Variants in SH3RF2 observed in about 807,000 individuals in gnomAD.
SH3RF2 encodes the protein SH3 domain containing ring finger 2.
Under a neutral mutation model 59.0 loss-of-function variants are expected in SH3RF2, and 43 were observed. The observed-to-expected ratio is 0.73, with a 90% CI of 0.57 to 0.94. The LOEUF (loss-of-function observed/expected upper bound fraction) is 0.94, where lower values mean the gene tolerates loss of function less well. SH3RF2 is among the 40% of genes least tolerant of loss of function. The pLI, the probability that SH3RF2 is intolerant of heterozygous loss-of-function variation, is 0.00. For synonymous variants in SH3RF2, 391 were observed against 391.5 expected (o/e 1.00, Z 0.01); for missense variants, 930 against 940.1 (o/e 0.99, Z 0.14).
chr5:145,989,597 G>A (rs28592920), intron 2 of SH3RF2, among the ~76,000 whole-genome samples: 2,841 of 152,280 alleles, frequency 0.019, 74 homozygotes, highest in African/African-American at 0.065. Flanking sequence ...GTTTTGGGCT[G>A]CATTCTCCAG....
At chr5:145,978,008 C>A (rs953831320) in intron 2 of SH3RF2, among the ~76,000 whole-genome samples, 1 of 152,048 alleles carries the variant, frequency 6.6e-6, no homozygotes, top group African/African-American at 2.4e-5. Flanking sequence ...ACTCTAAAAC[C>A]CTTATTCTTT....
chr5:146,000,223 A>C lies in SH3RF2; in HGVS notation c.544A>C (p.Ile182Leu). Residue 182 changes from isoleucine (I) to leucine (L), a missense_variant, in exon 3 of 10, where the codon ATC becomes CTC. Coordinates refer to ENST00000359120, the MANE Select transcript of SH3RF2 (RefSeq NM_152550.4). ...GNFPASSVEV[I>L]KQLPQPPPLC... ...CTTCCCAGCCAGCTCCGTGGAAGTCATCAAGCAGCTGCCCCAGCCGCCCCC... is the reference window on the plus strand; with the variant it reads ...CTTCCCAGCCAGCTCCGTGGAAGTCCTCAAGCAGCTGCCCCAGCCGCCCCC... 2 of 1,613,748 alleles carry C rather than the reference A, an allele frequency of 1.2e-6. No homozygotes were observed. The highest frequency in any genetic ancestry group is 4.5e-5 in the East Asian group (2 of 44,852).
intron 2 of SH3RF2, among the ~76,000 whole-genome samples, chr5:145,985,200 G>A (rs1315038633): frequency 6.6e-6 from 1 of 152,190 alleles, no homozygotes; most frequent in Admixed American, 6.5e-5. Context: ...GAACTGAGAG[G>A]GAAGAAGTCC....
chr5:146,037,303 C>T (rs1761973240), intron 5 of SH3RF2, among the ~76,000 whole-genome samples: 1 of 152,148 alleles, frequency 6.6e-6, no homozygotes. Flanking sequence ...AGTTACAATG[C>T]CAAAGCTCAA....
At chr5:146,070,747 T>C (rs1763216149) in intron 9 of SH3RF2, among the ~76,000 whole-genome samples, 2 of 152,210 alleles carry the variant, frequency 1.3e-5, no homozygotes, top group South Asian at 4.1e-4. Context: ...TGCTGGTGTT[T>C]ATCCGAAGTT....
chr5:146,031,483 G>T (rs1761740671), intron 5 of SH3RF2, among the ~76,000 whole-genome samples: 1 of 152,216 alleles, frequency 6.6e-6, no homozygotes, highest in African/African-American at 2.4e-5. Flanking sequence ...GTGAATGAGT[G>T]TGTGAGGGAA....
chr5:146,039,406 TAATA>T (rs1161230343), intron 5 of SH3RF2, among the ~76,000 whole-genome samples: 1 of 149,484 alleles, frequency 6.7e-6, no homozygotes, highest in African/African-American at 2.5e-5. Context: ...AATACAAAAA[TAATA>T]AATAACCCCA....
At chr5:146,063,442 C>A (rs983543903), downstream of SH3RF2, 1 of 152,250 alleles carries the variant, frequency 6.6e-6, no homozygotes, top group African/African-American at 2.4e-5. Context: ...GTGGATAGGG[C>A]CATGTATGGC....
chr5:146,068,027 GCTC>G (rs1763145060), downstream of SH3RF2, among the ~76,000 whole-genome samples: 1 of 152,170 alleles, frequency 6.6e-6, no homozygotes, highest in Non-Finnish European at 1.5e-5. Flanking sequence ...ATCCCAGCCC[GCTC>G]CTGACCACTG....
intron 2 of SH3RF2, among the ~76,000 whole-genome samples, chr5:145,943,564 C>T (rs1208155348): frequency 1.3e-5 from 2 of 152,140 alleles, no homozygotes; most frequent in African/African-American, 4.8e-5. Context: ...CTCTGATTTC[C>T]TTTCATTTCT....
chr5:146,040,262 T>C (rs901769415), intron 5 of SH3RF2, among the ~76,000 whole-genome samples: 1 of 152,242 alleles, frequency 6.6e-6, no homozygotes, highest in Non-Finnish European at 1.5e-5. Flanking sequence ...GTGGTATGTA[T>C]GCAGGTATCT....
intron 2 of SH3RF2, among the ~76,000 whole-genome samples, chr5:145,943,814 T>A (rs1415213206): frequency 6.6e-6 from 1 of 152,172 alleles, no homozygotes; most frequent in African/African-American, 2.4e-5. Context: ...AGGCAATGGG[T>A]GGGGCATAAG....
At chr5:145,945,764 G>A (rs1233917180) in intron 2 of SH3RF2, among the ~76,000 whole-genome samples, 2 of 152,176 alleles carry the variant, frequency 1.3e-5, no homozygotes, top group Admixed American at 1.3e-4. Context: ...CGCATGTCAA[G>A]CATTCTCTGT....
At chr5:146,048,558 A>G (rs1349136991) in intron 6 of SH3RF2, among the ~76,000 whole-genome samples, 4 of 152,230 alleles carry the variant, frequency 2.6e-5, no homozygotes, top group African/African-American at 7.2e-5. Context: ...AACCTTGTAG[A>G]GAACACTCCC....
chr5:146,014,057 G>A lies in SH3RF2; in HGVS notation c.1055G>A (p.Gly352Glu). 6.2e-7 allele frequency: 1 copy of A among 1,613,220 alleles called. No individual in the cohort carries two copies. Among genetic ancestry groups the A allele is most frequent in the Non-Finnish European group, 8.5e-7 (1 of 1,179,804 alleles). Residue 352 changes from glycine to glutamate, a missense_variant, in exon 5 of 10, where the codon GGA (glycine) becomes GAA (glutamate). Coordinates refer to ENST00000359120, the MANE Select transcript of SH3RF2 (RefSeq NM_152550.4). ...GCAGACGTTCCTTCCAGCTGTGTGG[G>A]ACAGGTAGGGAAGAAACGCCTGGGA... Reference protein sequence around the residue: ...EKADVPSSCVGQVSTYHPAPV... With the variant: ...EKADVPSSCVEQVSTYHPAPV...
chr5:145,955,496 C>T (rs1466987077), intron 2 of SH3RF2, among the ~76,000 whole-genome samples: 1 of 152,134 alleles, frequency 6.6e-6, no homozygotes, highest in Non-Finnish European at 1.5e-5. Flanking sequence ...GCGCCCTAAA[C>T]CTCAGCATCC....
At chr5:146,078,744 T>TCC (rs1763378654) in exon 10 of SH3RF2, 1 of 152,192 alleles carries the variant, frequency 6.6e-6, no homozygotes, top group Non-Finnish European at 1.5e-5. Context: ...CAAACTCCCA[T>TCC]CCCTCTGTTA....
At chr5:146,076,832 G>GTAAGA (rs1411765318) in intron 9 of SH3RF2, among the ~76,000 whole-genome samples, 1 of 152,076 alleles carries the variant, frequency 6.6e-6, no homozygotes, top group Non-Finnish European at 1.5e-5. Context: ...GGGAGTTTAG[G>GTAAGA]TAAGACTCCC....
chr5:146,051,952 C>T (rs542524578), intron 7 of SH3RF2, among the ~76,000 whole-genome samples: 3 of 152,132 alleles, frequency 2.0e-5, no homozygotes, highest in South Asian at 4.2e-4. Context: ...GGTGGGTAGT[C>T]AAGTCTGATA....
Sources: gnomAD v4.1 joint callset for allele counts (sites outside exome capture counted in the v4.1 genomes callset) on GRCh38, gnomAD v4.1.1 for gene constraint, MANE v1.5 for transcripts, NCBI Gene and HGNC (gene_info 2026-07-23, HGNC 2026-07-21) for gene names.